Variants in LIMS1 observed in about 807,000 individuals in gnomAD.
The protein encoded by LIMS1 is LIM and senescent cell antigen-like-containing domain protein 1.
Under a neutral mutation model 44.1 loss-of-function variants are expected in LIMS1, and 18 were observed. The observed-to-expected ratio is 0.41, with a 90% confidence interval of 0.28 to 0.61. The LOEUF (loss-of-function observed/expected upper bound fraction) is 0.61, where lower values mean the gene tolerates loss of function less well. Among genes scored for constraint, LIMS1 ranks in the 20% least tolerant of loss-of-function variants. The pLI, the probability that LIMS1 is intolerant of heterozygous loss-of-function variation, is 0.32. For missense variants in LIMS1, 201 were observed against 422.0 expected (o/e 0.48, Z 4.59); for synonymous variants, 93 against 149.1 (o/e 0.62, Z 2.74).
intron 1 of LIMS1, among the ~76,000 whole-genome samples, chr2:108,648,131 A>G (rs1025583953): frequency 1.4e-4 from 21 of 152,232 alleles, no homozygotes; most frequent in African/African-American, 5.1e-4. Context: ...CAGATACAAA[A>G]TCAATGTGCA....
chr2:108,551,801 TA>T (rs1488640407), intron 1 of LIMS1, among the ~76,000 whole-genome samples: 4 of 146,340 alleles, frequency 2.7e-5, no homozygotes, highest in African/African-American at 7.5e-5. Flanking sequence ...TATATCTGTA[TA>T]TATGTATATG....
At position 108,550,127 on chromosome 2, in the gene LIMS1, A is replaced by G. The variant is rs369949814; in HGVS notation, c.32+15533A>G. Among the ~76,000 whole-genome samples the G allele has an allele frequency of 1.4e-4, 21 of 152,336 alleles. No homozygotes were observed. In the East Asian group the frequency reaches 1.7e-3, roughly 13 times the overall value. ...ATTCAGAAAAACAGGATGTGAAACT[A>G]TAAATATGGTATGATTAGAACTTTA... On this transcript the variant is annotated intron_variant, in intron 1 of 9. Coordinates refer to ENST00000544547, the Ensembl canonical transcript of LIMS1.
intron 7 of LIMS1, among the ~76,000 whole-genome samples, chr2:108,677,777 A>G (rs1419734384): frequency 6.6e-6 from 1 of 152,226 alleles, no homozygotes; most frequent in Non-Finnish European, 1.5e-5. Context: ...TGGGTGTTCA[A>G]ACTGTCATCT....
intron 1 of LIMS1, among the ~76,000 whole-genome samples, chr2:108,595,271 T>C (rs1686617210): frequency 6.6e-6 from 1 of 152,154 alleles, no homozygotes; most frequent in South Asian, 2.1e-4. Flanking sequence ...CAGCCTTTAA[T>C]GTATGTGTGG....
chr2:108,621,864 G>C (rs1688266701), intron 1 of LIMS1, among the ~76,000 whole-genome samples: 1 of 152,130 alleles, frequency 6.6e-6, no homozygotes, highest in Non-Finnish European at 1.5e-5. Flanking sequence ...TTTGGGGTTG[G>C]GGGAGGGGTG....
At chr2:108,610,978 TC>T (rs1179889419) in intron 1 of LIMS1, among the ~76,000 whole-genome samples, 3 of 152,154 alleles carry the variant, frequency 2.0e-5, no homozygotes, top group Non-Finnish European at 4.4e-5. Flanking sequence ...CTTCATCATG[TC>T]TTTTTTCTAT....
intron 1 of LIMS1, among the ~76,000 whole-genome samples, chr2:108,573,431 GCTCTTGAATACTTAACGA>G (rs1448409696): frequency 6.6e-6 from 1 of 151,718 alleles, no homozygotes; most frequent in Admixed American, 6.6e-5. Flanking sequence ...ACTAACAGTT[GCTCTTGAATACTTAACGA>G]TACACCAGCT....
At chr2:108,662,106 A>G in intron 2 of LIMS1, 1 of 1,586,680 alleles carries the variant, frequency 6.3e-7, no homozygotes, top group South Asian at 1.1e-5. Flanking sequence ...GAACTCAGAG[A>G]AAAAGACAGG....
intron 1 of LIMS1, among the ~76,000 whole-genome samples, chr2:108,550,746 G>A (rs140096722): frequency 6.6e-6 from 1 of 151,698 alleles, no homozygotes; most frequent in Non-Finnish European, 1.5e-5. Context: ...AACCTGGGAG[G>A]CAGAGCTTGA....
intron 1 of LIMS1, among the ~76,000 whole-genome samples, chr2:108,560,664 T>A (rs1685081965): frequency 6.6e-6 from 1 of 152,042 alleles, no homozygotes; most frequent in East Asian, 1.9e-4. Flanking sequence ...CTTTGTTCAC[T>A]GCTAAACACA....
At chr2:108,597,607 C>T (rs1342028084) in intron 1 of LIMS1, among the ~76,000 whole-genome samples, 1 of 151,758 alleles carries the variant, frequency 6.6e-6, no homozygotes, top group African/African-American at 2.4e-5. Context: ...CACACACAGA[C>T]TGTCTCTACC....
intron 8 of LIMS1, among the ~76,000 whole-genome samples, chr2:108,679,651 T>G (rs1181049191): frequency 6.6e-6 from 1 of 152,084 alleles, no homozygotes; most frequent in Non-Finnish European, 1.5e-5. Context: ...GTGTGGTGGC[T>G]TATACCTGTA....
intron 1 of LIMS1, among the ~76,000 whole-genome samples, chr2:108,639,304 G>A (rs1456723506): frequency 6.6e-6 from 1 of 152,210 alleles, no homozygotes; most frequent in East Asian, 1.9e-4. Context: ...AAAAAAAAGG[G>A]ACAGTGGTAT....
chr2:108,592,086 C>T (rs1386515720), intron 1 of LIMS1, among the ~76,000 whole-genome samples: 20 of 152,160 alleles, frequency 1.3e-4, no homozygotes, highest in African/African-American at 3.9e-4. Context: ...TGAGCCACCA[C>T]GCCCAGCCTA....
intron 1 of LIMS1, among the ~76,000 whole-genome samples, chr2:108,599,334 C>G (rs1246476200): frequency 2.6e-5 from 4 of 152,158 alleles, no homozygotes; most frequent in Non-Finnish European, 2.9e-5. Flanking sequence ...ACATAATGAT[C>G]TCCAGTCCCA....
At chr2:108,617,651 G>A (rs1164237154) in intron 1 of LIMS1, among the ~76,000 whole-genome samples, 1 of 152,216 alleles carries the variant, frequency 6.6e-6, no homozygotes, top group South Asian at 2.1e-4. Flanking sequence ...AGATGCAGCG[G>A]TAAGTGGGAT....
intron 1 of LIMS1, among the ~76,000 whole-genome samples, chr2:108,551,491 GCA>G (rs67589132): frequency 0.13 from 14,420 of 114,660 alleles, 840 homozygotes; most frequent in African/African-American, 0.17. Context: ...GCGCGCGCGC[GCA>G]CACACACACA....
chr2:108,570,938 T>C (rs1685460388), intron 1 of LIMS1, among the ~76,000 whole-genome samples: 1 of 152,320 alleles, frequency 6.6e-6, no homozygotes, highest in South Asian at 2.1e-4. Context: ...ATAACATAGC[T>C]TTTGGTCTAA....
chr2:108,606,695 G>C (rs1457219330), intron 1 of LIMS1, among the ~76,000 whole-genome samples: 1 of 152,202 alleles, frequency 6.6e-6, no homozygotes, highest in East Asian at 1.9e-4. Flanking sequence ...TTTGTCTAAA[G>C]TTCAGTAGGA....
Sources: gnomAD v4.1 joint callset for allele counts (sites outside exome capture counted in the v4.1 genomes callset) on GRCh38, gnomAD v4.1.1 for gene constraint, MANE v1.5 for transcripts, NCBI Gene and HGNC (gene_info 2026-07-23, HGNC 2026-07-21) for gene names.